Variants in ABCA9 observed in about 807,000 individuals in gnomAD.
The protein encoded by ABCA9 is ATP binding cassette subfamily A member 9.
In ABCA9, 183 loss-of-function variants were observed where a neutral mutation model predicts 205.3. The ratio of observed to expected loss-of-function variants is 0.89; its 90% CI spans 0.79 to 1.01. ABCA9 has a LOEUF of 1.01. ABCA9 is among the 50% of genes least tolerant of loss of function. The pLI is 0.00. For synonymous variants in ABCA9, 651 were observed against 683.3 expected, an observed-to-expected ratio of 0.95 and a Z score of 0.74; for missense variants, 1,805 against 1,912.4, an observed-to-expected ratio of 0.94 and a Z score of 1.05.
At position 69,016,409 on chromosome 17, in the gene ABCA9, C is replaced by A. The variant is rs567149457; in HGVS notation, c.2902-19G>T. The A allele has an allele frequency of 3.2e-6, 5 of 1,554,514 alleles. 1 individual carries two copies. In the South Asian group the frequency reaches 3.7e-5, roughly 12 times the overall value. Reference sequence around the variant, plus strand: ...TGTGATCCTGAAATACAACAAGTACCAATTCGAAGTCTTCATAAAGCAAAG... The same window carrying A: ...TGTGATCCTGAAATACAACAAGTACAAATTCGAAGTCTTCATAAAGCAAAG... On this transcript the variant is annotated intron_variant, in intron 21 of 38. Transcript: ENST00000340001.
At chr17:69,027,580 T>C in intron 13 of ABCA9, 60 bp downstream of exon 13, 3 of 1,581,740 alleles carry the variant, frequency 1.9e-6, no homozygotes, top group Middle Eastern at 1.7e-4. Flanking sequence ...CTTAGCACAA[T>C]ATTTTCTAGA....
chr17:68,977,116 T>C (rs2068910802), intron 37 of ABCA9, among the ~76,000 whole-genome samples: 1 of 152,108 alleles, frequency 6.6e-6, no homozygotes, highest in Admixed American at 6.5e-5. Context: ...GTGTTTCTCA[T>C]GGATTTCAAA....
chr17:69,001,667 G>C (rs2069875207), intron 25 of ABCA9, among the ~76,000 whole-genome samples: 1 of 150,440 alleles, frequency 6.6e-6, no homozygotes, highest in East Asian at 1.9e-4. Context: ...TTTTTCTATT[G>C]ATTGGAATAG....
chr17:69,039,627 A>G (rs2071469004), intron 6 of ABCA9, among the ~76,000 whole-genome samples: 1 of 152,162 alleles, frequency 6.6e-6, no homozygotes, highest in South Asian at 2.1e-4. Context: ...AGGCAATACC[A>G]TTAAGATATA....
At chr17:69,003,821 T>C (rs1319090262) in intron 25 of ABCA9, among the ~76,000 whole-genome samples, 1 of 152,148 alleles carries the variant, frequency 6.6e-6, no homozygotes. Context: ...TGATTTCTTT[T>C]TATTCTTTTT....
chr17:69,057,351 C>T (rs2072098923), intron 1 of ABCA9, among the ~76,000 whole-genome samples: 1 of 152,206 alleles, frequency 6.6e-6, no homozygotes, highest in African/African-American at 2.4e-5. Flanking sequence ...GAGACAATCA[C>T]CCATGCCTGC....
chr17:69,040,945 A>T (rs1047336192), intron 6 of ABCA9, among the ~76,000 whole-genome samples: 1 of 152,214 alleles, frequency 6.6e-6, no homozygotes, highest in East Asian at 1.9e-4. Context: ...AAAGCTTTCT[A>T]ATCACAGATC....
At chr17:69,073,607 G>C in the ABCA9 span, among the ~76,000 whole-genome samples, 3 of 152,208 alleles carry the variant, frequency 2.0e-5, no homozygotes, top group African/African-American at 7.2e-5. Context: ...GCAGTGTTTA[G>C]AGGGAAACTT....
intron 21 of ABCA9, 41 bp downstream of exon 21, chr17:69,017,615 G>C (rs1378587092): frequency 1.9e-6 from 3 of 1,609,330 alleles, no homozygotes. Flanking sequence ...TACACCCATA[G>C]TCCACCTTTG....
intron 22 of ABCA9, among the ~76,000 whole-genome samples, chr17:69,014,988 C>A (rs191863064): frequency 2.0e-5 from 3 of 152,196 alleles, no homozygotes; most frequent in Admixed American, 2.0e-4. Context: ...TGACCACATA[C>A]GTAGAAACTG....
At chr17:69,016,483 A>T in intron 21 of ABCA9, 93 bp from the exon 22 acceptor site, 1 of 1,185,310 alleles carries the variant, frequency 8.4e-7, no homozygotes, top group South Asian at 1.7e-5. Flanking sequence ...AGTTACTGAT[A>T]ATATAATAAG....
chr17:69,068,360 T>A, the ABCA9 span, among the ~76,000 whole-genome samples: 3 of 152,200 alleles, frequency 2.0e-5, no homozygotes, highest in African/African-American at 7.2e-5. Flanking sequence ...CAGTGGGATT[T>A]TGTAAGATAA....
rs530352456 is a variant in ABCA9 at position 69,005,055 on chromosome 17, G to C, written c.3435+2704C>G. Among the ~76,000 whole-genome samples the C allele has an allele frequency of 4.1e-4, 62 of 152,304 alleles. No homozygotes were observed. In the South Asian group the frequency reaches 0.013, roughly 31 times the overall value. On this transcript the variant is annotated intron_variant, in intron 25 of 38. Transcript: ENST00000340001. ...CTAGTGAGATGAACCCGCTACCTCAGATGGAAATGCAGAAATCACCCGTCT... is the reference window on the plus strand; with the variant it reads ...CTAGTGAGATGAACCCGCTACCTCACATGGAAATGCAGAAATCACCCGTCT...
intron 1 of ABCA9, among the ~76,000 whole-genome samples, chr17:69,054,299 A>C (rs894357715): frequency 7.2e-5 from 11 of 152,192 alleles, no homozygotes; most frequent in African/African-American, 2.2e-4. Flanking sequence ...AGGTAGGAGA[A>C]TGGCTTGAGC....
Position 68,975,966 on chromosome 17 carries a change from C to G in ABCA9, c.4824G>C (p.Glu1608Asp), listed in dbSNP as rs368678014. 2 of 1,613,608 alleles carry G rather than the reference C, an allele frequency of 1.2e-6. No individual in the cohort carries two copies. The highest frequency in any genetic ancestry group is 2.7e-5 in the African/African-American group (2 of 74,930). ...SKEQELGDLE[E>D]DFDPSVKWKL... Reference sequence around the variant, plus strand: ...TCCACTTCACCGAGGGATCAAAGTCCTCTTCAAGATCACCCAGCTCCTGCT... The same window carrying G: ...TCCACTTCACCGAGGGATCAAAGTCGTCTTCAAGATCACCCAGCTCCTGCT... Residue 1608 changes from glutamate to aspartate, a missense_variant, in exon 39 of 39, where the codon GAG (glutamate) becomes GAC (aspartate). Coordinates refer to ENST00000340001, the MANE Select transcript of ABCA9 (RefSeq NM_080283.4).
chr17:68,984,019 AC>A, intron 35 of ABCA9, 36 bp downstream of exon 35: 1 of 1,613,502 alleles, frequency 6.2e-7, no homozygotes, highest in Non-Finnish European at 8.5e-7. Context: ...ACAGCACACA[AC>A]CTAGGGGCTG....
the ABCA9 span, among the ~76,000 whole-genome samples, chr17:69,066,029 G>GA: frequency 6.6e-6 from 1 of 152,146 alleles, no homozygotes; most frequent in African/African-American, 2.4e-5. Context: ...CATGAACTGT[G>GA]AATCAATTAA....
chr17:69,042,008 A>G (rs968745320), intron 6 of ABCA9, among the ~76,000 whole-genome samples: 7 of 152,214 alleles, frequency 4.6e-5, no homozygotes, highest in South Asian at 4.1e-4. Context: ...CTTATTTAAC[A>G]GGGAGATAAT....
At chr17:69,061,295 G>A (rs1360278509), upstream of ABCA9, 2 of 253,118 alleles carry the variant, frequency 7.9e-6, no homozygotes, top group African/African-American at 2.3e-5. Context: ...ATCCAGAGAA[G>A]AGTAGAGCAG....
Sources: gnomAD v4.1 joint callset for allele counts (sites outside exome capture counted in the v4.1 genomes callset) on GRCh38, gnomAD v4.1.1 for gene constraint, MANE v1.5 for transcripts, NCBI Gene and HGNC (gene_info 2026-07-23, HGNC 2026-07-21) for gene names.